Variants in RBM47 observed in about 807,000 individuals in gnomAD.
RBM47 encodes the protein RNA binding motif protein 47.
A neutral mutation model predicts 47.1 loss-of-function variants in RBM47; 21 were observed. That is an observed-to-expected ratio of 0.45 (90% CI 0.32 to 0.64). The LOEUF is 0.64. Ranked by LOEUF, RBM47 falls within the 30% of genes least tolerant of loss-of-function variation. The pLI, the probability that RBM47 is intolerant of heterozygous loss-of-function variation, is 0.05. For missense variants in RBM47, 708 were observed against 870.9 expected, an observed-to-expected ratio of 0.81 and a Z score of 2.35; for synonymous variants, 375 against 361.7, an observed-to-expected ratio of 1.04 and a Z score of -0.42.
chr4:40,523,608 G>A lies in RBM47; in HGVS notation c.-155+20814C>T, dbSNP rs146395652. 4.7e-4 allele frequency among the ~76,000 whole-genome samples: 71 copies of A among 151,882 alleles called. 1 individual carries two copies. The East Asian group carries it at 9.7e-3, about 21-fold the overall frequency. On this transcript the variant is annotated intron_variant, in intron 2 of 6. Transcript: ENST00000295971. Reference sequence around the variant, plus strand: ...AGAGGTTGCAGTGAGCTGAGATCACGCCATTGCACTCCAGCCTGGGCGCCA... The same window carrying A: ...AGAGGTTGCAGTGAGCTGAGATCACACCATTGCACTCCAGCCTGGGCGCCA...
intron 1 of RBM47, among the ~76,000 whole-genome samples, chr4:40,557,991 T>C (rs953915550): frequency 2.6e-5 from 4 of 152,232 alleles, no homozygotes; most frequent in African/African-American, 9.6e-5. Flanking sequence ...TTAGATCTTG[T>C]CTTCCCAAGC....
At chr4:40,588,982 T>C (rs1733859386) in intron 1 of RBM47, among the ~76,000 whole-genome samples, 1 of 147,498 alleles carries the variant, frequency 6.8e-6, no homozygotes, top group Non-Finnish European at 1.5e-5. Context: ...GAATAATAGC[T>C]AAAGCGTTTC....
chr4:40,461,936 CAAAA>C (rs34793166), intron 3 of RBM47, among the ~76,000 whole-genome samples: 1 of 127,724 alleles, frequency 7.8e-6, no homozygotes. Context: ...AACTCCGTCT[CAAAA>C]AAAAAAAAAA....
chr4:40,463,692 G>A (rs1423485287), intron 3 of RBM47, among the ~76,000 whole-genome samples: 1 of 151,744 alleles, frequency 6.6e-6, no homozygotes, highest in East Asian at 1.9e-4. Context: ...AGGTGGGGTA[G>A]GTAAAGGGGA....
intron 3 of RBM47, among the ~76,000 whole-genome samples, chr4:40,466,081 A>G (rs570423645): frequency 3.3e-5 from 5 of 152,190 alleles, no homozygotes; most frequent in African/African-American, 1.2e-4. Flanking sequence ...TAGCCTGGCC[A>G]AAATGGTAAA....
At chr4:40,620,434 G>A (rs1164455504) in intron 1 of RBM47, among the ~76,000 whole-genome samples, 1 of 152,026 alleles carries the variant, frequency 6.6e-6, no homozygotes, top group East Asian at 1.9e-4. Context: ...GAGCCTGGGA[G>A]GTGGAGGTTG....
At chr4:40,508,317 A>C (rs1400825948) in intron 2 of RBM47, among the ~76,000 whole-genome samples, 1 of 152,234 alleles carries the variant, frequency 6.6e-6, no homozygotes, top group Non-Finnish European at 1.5e-5. Flanking sequence ...AACATAGAGC[A>C]CTTAGCAAAT....
At chr4:40,605,402 T>C (rs1735672572) in intron 1 of RBM47, among the ~76,000 whole-genome samples, 1 of 152,196 alleles carries the variant, frequency 6.6e-6, no homozygotes, top group Admixed American at 6.5e-5. Flanking sequence ...TTGAAGGGCC[T>C]AGTATAGTGT....
intron 1 of RBM47, among the ~76,000 whole-genome samples, chr4:40,617,032 C>A (rs1341904858): frequency 6.6e-6 from 1 of 151,640 alleles, no homozygotes; most frequent in Non-Finnish European, 1.5e-5. Context: ...CCCGCCACTG[C>A]GGCCAGCTAA....
rs1377907536 is a variant in RBM47 at position 40,554,789 on chromosome 4, T to TG, written c.-239-10284_-239-10283insC. Among the ~76,000 whole-genome samples, 4 of 151,656 alleles carry TG rather than the reference T, an allele frequency of 2.6e-5. No individual in the cohort carries two copies. In the East Asian group the frequency reaches 7.7e-4, roughly 29 times the overall value. On this transcript the variant is annotated intron_variant, in intron 1 of 6. Transcript: ENST00000295971. ...CCCTCCCTCCCTTTCTTCCTTTTTTTTTTAACGAATCTCCCAGGCTTAAGG... is the reference window on the plus strand; with the variant it reads ...CCCTCCCTCCCTTTCTTCCTTTTTTTGTTTAACGAATCTCCCAGGCTTAAGG...
chr4:40,483,748 T>C (rs1720733435), intron 2 of RBM47, among the ~76,000 whole-genome samples: 1 of 152,172 alleles, frequency 6.6e-6, no homozygotes, highest in Non-Finnish European at 1.5e-5. Context: ...CTATCATTTT[T>C]TAATCAACCA....
chr4:40,623,384 C>A (rs1038902797), intron 1 of RBM47, among the ~76,000 whole-genome samples: 1 of 152,206 alleles, frequency 6.6e-6, no homozygotes, highest in African/African-American at 2.4e-5. Context: ...ACCTGTCCTT[C>A]CTCATCTCTT....
At chr4:40,486,075 A>C (rs1450540231) in intron 2 of RBM47, among the ~76,000 whole-genome samples, 13 of 97,990 alleles carry the variant, frequency 1.3e-4, no homozygotes, top group African/African-American at 5.8e-4. Context: ...GTTTCAAAAA[A>C]AAAAAAAAAA....
At chr4:40,498,434 C>T (rs894956484) in intron 2 of RBM47, among the ~76,000 whole-genome samples, 17 of 151,994 alleles carry the variant, frequency 1.1e-4, no homozygotes, top group African/African-American at 3.9e-4. Flanking sequence ...TGGTGGCTCA[C>T]GCCTGTAATC....
At chr4:40,470,154 T>TG (rs1310650116) in intron 2 of RBM47, among the ~76,000 whole-genome samples, 2 of 152,094 alleles carry the variant, frequency 1.3e-5, no homozygotes, top group African/African-American at 4.8e-5. Flanking sequence ...ATAAGATTTG[T>TG]GGGGCAGTTT....
intron 3 of RBM47, among the ~76,000 whole-genome samples, chr4:40,465,893 T>C (rs932325664): frequency 3.9e-5 from 6 of 152,120 alleles, no homozygotes; most frequent in African/African-American, 1.4e-4. Context: ...AAATACAAGA[T>C]ACTATCACAC....
intron 1 of RBM47, among the ~76,000 whole-genome samples, chr4:40,572,456 C>T (rs1030580741): frequency 1.3e-5 from 2 of 151,780 alleles, no homozygotes; most frequent in Non-Finnish European, 2.9e-5. Context: ...ACAAGCTGCA[C>T]CTAACATTCT....
At chr4:40,575,256 A>G (rs1026990183) in intron 1 of RBM47, among the ~76,000 whole-genome samples, 1 of 152,198 alleles carries the variant, frequency 6.6e-6, no homozygotes, top group African/African-American at 2.4e-5. Context: ...ACAGCTACCT[A>G]TAAAGAAATA....
intron 1 of RBM47, among the ~76,000 whole-genome samples, chr4:40,575,558 A>AAAAAAAAAAAC (rs1732216842): frequency 6.9e-6 from 1 of 145,114 alleles, no homozygotes; most frequent in Admixed American, 6.8e-5. Context: ...ATCTCAAAAA[A>AAAAAAAAAAAC]AAAAAAAAAA....
Sources: gnomAD v4.1 joint callset for allele counts (sites outside exome capture counted in the v4.1 genomes callset) on GRCh38, gnomAD v4.1.1 for gene constraint, MANE v1.5 for transcripts, NCBI Gene and HGNC (gene_info 2026-07-23, HGNC 2026-07-21) for gene names.